DMD: variants seen among roughly 807,000 people sequenced by gnomAD.
The protein encoded by DMD is mutant dystrophin.
A neutral mutation model predicts 330.1 loss-of-function variants in DMD; 63 were observed. The observed-to-expected ratio is 0.19, with a 90% confidence interval of 0.16 to 0.24. The LOEUF (loss-of-function observed/expected upper bound fraction) is 0.24. Ranked by LOEUF, DMD falls within the 10% of genes least tolerant of loss-of-function variation. The probability of loss-of-function intolerance (pLI) is 1.00; values close to 1 mark genes in which losing one functional copy is unlikely to be tolerated. For synonymous variants in DMD, 1,223 were observed against 959.8 expected (o/e 1.27, Z -5.07); for missense variants, 3,344 against 2,684.1 (o/e 1.25, Z -5.43).
At chrX:31,667,036 G>C (rs1018144081) in intron 53 of DMD, among the ~76,000 whole-genome samples, 2 of 111,636 alleles carry the variant, frequency 1.8e-5, no homozygotes, top group African/African-American at 6.5e-5. Context: ...ATGTATTCAG[G>C]GTTGTGCAAC....
At chrX:33,275,730 C>A (rs1603427492) in intron 1 of DMD, among the ~76,000 whole-genome samples, 1 of 111,659 alleles carries the variant, frequency 9.0e-6, no homozygotes, top group African/African-American at 3.3e-5. Context: ...AATGATTCAA[C>A]AGGACTAAAA....
chrX:31,356,177 C>T (rs1412668762), intron 60 of DMD, among the ~76,000 whole-genome samples: 1 of 111,889 alleles, frequency 8.9e-6, no homozygotes, highest in Non-Finnish European at 1.9e-5. Flanking sequence ...ATGGCACTCA[C>T]TCTGAGTAGG....
intron 51 of DMD, among the ~76,000 whole-genome samples, chrX:31,770,817 G>A (rs1216779204): frequency 4.5e-5 from 5 of 111,477 alleles, no homozygotes; most frequent in African/African-American, 9.8e-5. Flanking sequence ...AAGAATTCAC[G>A]TGAAGTACTT....
chrX:31,988,787 GTCTC>G (rs754549321), intron 44 of DMD, among the ~76,000 whole-genome samples: 1 of 106,705 alleles, frequency 9.4e-6, no homozygotes, highest in Non-Finnish European at 1.9e-5. Context: ...TTCTCTCTCT[GTCTC>G]TCTCTCTCTC....
intron 20 of DMD, among the ~76,000 whole-genome samples, chrX:32,489,826 A>G (rs1462137560): frequency 8.9e-6 from 1 of 112,066 alleles, no homozygotes; most frequent in Non-Finnish European, 1.9e-5. Flanking sequence ...TATTCCTCTG[A>G]TTCACAGGAA....
intron 1 of DMD, among the ~76,000 whole-genome samples, chrX:33,248,720 G>GTT (rs1448466416): frequency 1.3e-4 from 14 of 111,799 alleles, no homozygotes; most frequent in African/African-American, 4.5e-4. Context: ...TCTAGAAAAT[G>GTT]AAAAGTATTG....
chrX:32,076,208 C>T (rs930084389), intron 44 of DMD, among the ~76,000 whole-genome samples: 6 of 107,646 alleles, frequency 5.6e-5, no homozygotes, highest in Non-Finnish European at 1.1e-4. Flanking sequence ...ATAACCTCAG[C>T]GGAAAGACAG....
intron 7 of DMD, among the ~76,000 whole-genome samples, chrX:32,794,546 G>T (rs775839663): frequency 1.8e-5 from 2 of 111,364 alleles, no homozygotes; most frequent in Non-Finnish European, 3.8e-5. Context: ...CCAAGATTGG[G>T]CCACTGTACT....
chrX:33,035,428 G>A (rs2094188441), intron 1 of DMD, among the ~76,000 whole-genome samples: 1 of 111,079 alleles, frequency 9.0e-6, no homozygotes, highest in Admixed American at 9.6e-5. Context: ...ACCTAGGATT[G>A]GGCACTATTT....
chrX:31,971,337 AC>A (rs1454289753), intron 44 of DMD, among the ~76,000 whole-genome samples: 1 of 111,960 alleles, frequency 8.9e-6, no homozygotes. Flanking sequence ...GGCTACGGTG[AC>A]TTTTACAACC....
At chrX:33,078,751 G>A (rs2094881698) in intron 1 of DMD, among the ~76,000 whole-genome samples, 1 of 111,964 alleles carries the variant, frequency 8.9e-6, no homozygotes, top group South Asian at 3.7e-4. Context: ...CATTATTAAA[G>A]CTACAATTGA....
Position 32,565,870 on chromosome X carries a change from C to G in DMD, c.1824G>C (p.Ala608=), listed in dbSNP as rs151013182. ...TGGATTGCTTTTTCTTTTCTAGATC[C>G]GCTTTTAAAACCTGTTAAAACAAGA... is the stretch of plus-strand genomic sequence containing the variant. ...SSLQKLAVLK[A]DLEKKKQSMG... is the part of the protein sequence containing the mutation. The change falls in exon 16 of 79, where the codon GCG becomes GCC. Residue 608 remains alanine, a synonymous_variant. Coordinates refer to ENST00000357033, the MANE Select transcript of DMD (RefSeq NM_004006.3). The G allele has an allele frequency of 2.5e-6, 3 of 1,209,792 alleles. No individual in the cohort carries two copies. Among genetic ancestry groups the G allele is most frequent in the South Asian group, 3.5e-5 (2 of 56,876 alleles).
intron 47 of DMD, among the ~76,000 whole-genome samples, chrX:31,898,774 C>T (rs1179344173): frequency 8.9e-6 from 1 of 112,152 alleles, no homozygotes; most frequent in Non-Finnish European, 1.9e-5. Context: ...AATTAATCAT[C>T]ATGCAACAGG....
chrX:31,988,453 A>G (rs1277501287), intron 44 of DMD, among the ~76,000 whole-genome samples: 36 of 85,970 alleles, frequency 4.2e-4, no homozygotes, highest in African/African-American at 9.7e-4. Context: ...CAGCCTGGGC[A>G]ACAGAGTGAG....
chrX:31,387,949 A>T (rs1305910317), intron 60 of DMD, among the ~76,000 whole-genome samples: 1 of 110,480 alleles, frequency 9.1e-6, no homozygotes, highest in African/African-American at 3.3e-5. Context: ...CACTATTTAA[A>T]ATTGTTATAT....
At chrX:31,324,805 G>A (rs1265289058) in intron 61 of DMD, among the ~76,000 whole-genome samples, 8 of 111,188 alleles carry the variant, frequency 7.2e-5, no homozygotes, top group Non-Finnish European at 1.1e-4. Context: ...GTAAGAAAAC[G>A]TCAAAGCTAA....
intron 59 of DMD, among the ~76,000 whole-genome samples, chrX:31,472,184 T>G (rs1306933575): frequency 8.9e-6 from 1 of 112,483 alleles, no homozygotes; most frequent in Non-Finnish European, 1.9e-5. Context: ...GCAGTATACC[T>G]TATTCATTAT....
chrX:33,306,584 A>C (rs2053765359), intron 1 of DMD, among the ~76,000 whole-genome samples: 1 of 110,405 alleles, frequency 9.1e-6, no homozygotes, highest in South Asian at 3.8e-4. Flanking sequence ...GGTGTGGGGG[A>C]CATGGAGGGG....
At chrX:32,021,565 A>G (rs1020491642) in intron 44 of DMD, among the ~76,000 whole-genome samples, 1 of 112,159 alleles carries the variant, frequency 8.9e-6, no homozygotes. Context: ...GTGCTGTCCA[A>G]CACGGTAGCC....
Sources: gnomAD v4.1 joint callset for allele counts (sites outside exome capture counted in the v4.1 genomes callset) on GRCh38, gnomAD v4.1.1 for gene constraint, MANE v1.5 for transcripts, NCBI Gene and HGNC (gene_info 2026-07-23, HGNC 2026-07-21) for gene names.